QTMAN: variants seen among roughly 807,000 people sequenced by gnomAD.
The protein encoded by QTMAN is queuosine-tRNA mannosyltransferase, also known as tRNA-queuosine alpha-mannosyltransferase.
the QTMAN span, among the ~76,000 whole-genome samples, chr2:144,010,787 C>G: frequency 6.6e-6 from 1 of 151,988 alleles, no homozygotes; most frequent in Non-Finnish European, 1.5e-5. Flanking sequence ...AAGTGACAAA[C>G]AGAAGGGTAC....
chr2:144,262,622 G>T, the QTMAN span, among the ~76,000 whole-genome samples: 1 of 101,102 alleles, frequency 9.9e-6, no homozygotes, highest in African/African-American at 3.8e-5. Flanking sequence ...AGATAGGAGA[G>T]GAAGGGAGGG....
chr2:144,122,882 G>A, the QTMAN span, among the ~76,000 whole-genome samples: 1 of 152,058 alleles, frequency 6.6e-6, no homozygotes, highest in Non-Finnish European at 1.5e-5. Flanking sequence ...ATGCAGCTGG[G>A]GTTGCAAGCC....
At chr2:144,288,579 G>A in the QTMAN span, among the ~76,000 whole-genome samples, 3 of 152,202 alleles carry the variant, frequency 2.0e-5, no homozygotes, top group African/African-American at 7.2e-5. Flanking sequence ...ATCTCAACAA[G>A]GGAGTGGCAA....
chr2:144,285,781 G>A, the QTMAN span, among the ~76,000 whole-genome samples: 1 of 152,228 alleles, frequency 6.6e-6, no homozygotes, highest in East Asian at 1.9e-4. Context: ...CCAGAAAACT[G>A]AATCAATCTG....
the QTMAN span, among the ~76,000 whole-genome samples, chr2:144,261,251 C>T: frequency 3.3e-5 from 5 of 151,920 alleles, 1 homozygote; most frequent in Non-Finnish European, 5.9e-5. Context: ...TTTTAAGAAA[C>T]AATCTTTAAG....
the QTMAN span, chr2:143,952,047 G>A: frequency 6.9e-6 from 11 of 1,604,518 alleles, no homozygotes; most frequent in Non-Finnish European, 9.4e-6. Context: ...TTTGAAAGCT[G>A]TTCAGGTGTA....
chr2:144,019,435 GGTGTGTGTGTGTGTGTGT>G, the QTMAN span, among the ~76,000 whole-genome samples: 5 of 117,224 alleles, frequency 4.3e-5, no homozygotes, highest in African/African-American at 1.2e-4. Flanking sequence ...TAAGCATGCA[GGTGTGTGTGTGTGTGTGT>G]GTGTGTGTGT....
chr2:144,175,213 C>CAAA, the QTMAN span, among the ~76,000 whole-genome samples: 97 of 152,034 alleles, frequency 6.4e-4, no homozygotes, highest in Non-Finnish European at 1.2e-3. Flanking sequence ...AGCAAAGGAA[C>CAAA]AAAGAACAAG....
At chr2:144,049,900 C>T in the QTMAN span, among the ~76,000 whole-genome samples, 1 of 152,040 alleles carries the variant, frequency 6.6e-6, no homozygotes, top group East Asian at 1.9e-4. Flanking sequence ...ATTAAGCCAC[C>T]TATTTAGTAA....
At chr2:144,127,634 G>A in the QTMAN span, among the ~76,000 whole-genome samples, 173 of 152,086 alleles carry the variant, frequency 1.1e-3, 2 homozygotes, top group African/African-American at 4.0e-3. Flanking sequence ...TTGATAAAGT[G>A]AAACAGAGGA....
the QTMAN span, among the ~76,000 whole-genome samples, chr2:144,120,272 C>A: frequency 6.6e-6 from 1 of 152,150 alleles, no homozygotes; most frequent in Non-Finnish European, 1.5e-5. Context: ...CCTTCCATAC[C>A]TACTACCATC....
At chr2:143,994,918 AAC>A in the QTMAN span, among the ~76,000 whole-genome samples, 1 of 152,340 alleles carries the variant, frequency 6.6e-6, no homozygotes, top group Admixed American at 6.5e-5. Flanking sequence ...CTGTTTTTAA[AAC>A]AGTAATGTGC....
At chr2:143,989,570 G>A in the QTMAN span, among the ~76,000 whole-genome samples, 1 of 152,182 alleles carries the variant, frequency 6.6e-6, no homozygotes, top group Non-Finnish European at 1.5e-5. Flanking sequence ...CAGGTAAGGA[G>A]CAGAACGTGA....
the QTMAN span, among the ~76,000 whole-genome samples, chr2:143,969,206 G>T: frequency 6.6e-6 from 1 of 151,916 alleles, no homozygotes; most frequent in Admixed American, 6.6e-5. Context: ...TCCCCTTTTG[G>T]AATAACTTAA....
chr2:144,092,870 G>GGTGTGTGTGTGT, the QTMAN span, among the ~76,000 whole-genome samples: 344 of 140,712 alleles, frequency 2.4e-3, 2 homozygotes, highest in East Asian at 0.018. Flanking sequence ...AAACTTTTGG[G>GGTGTGTGTGTGT]GTGTGTGTGT....
At chr2:144,178,937 T>C in the QTMAN span, 1 of 469,526 alleles carries the variant, frequency 2.1e-6, no homozygotes, top group African/African-American at 2.0e-5. Context: ...CTCTCCTGTT[T>C]CCTAATTTGT....
the QTMAN span, among the ~76,000 whole-genome samples, chr2:144,162,469 G>A: frequency 6.6e-6 from 1 of 152,094 alleles, no homozygotes; most frequent in Non-Finnish European, 1.5e-5. Flanking sequence ...AGCTTGACTG[G>A]GATTATGCAG....
At chr2:144,209,858 A>C in the QTMAN span, among the ~76,000 whole-genome samples, 1,726 of 152,274 alleles carry the variant, frequency 0.011, 8 homozygotes, top group South Asian at 0.033. Context: ...TAAATAGCAT[A>C]ATGCTTTTCT....
the QTMAN span, among the ~76,000 whole-genome samples, chr2:143,973,131 C>CT: frequency 6.6e-6 from 1 of 150,586 alleles, no homozygotes; most frequent in African/African-American, 2.4e-5. Context: ...GTTTTTTTTT[C>CT]TTTTTTTGTA....
Sources: gnomAD v4.1 joint callset for allele counts (sites outside exome capture counted in the v4.1 genomes callset) on GRCh38, gnomAD v4.1.1 for gene constraint, MANE v1.5 for transcripts, NCBI Gene and HGNC (gene_info 2026-07-23, HGNC 2026-07-21) for gene names.